Variants in ENOX1 observed in about 807,000 individuals in gnomAD.
The protein encoded by ENOX1 is candidate growth-related and time keeping constitutive hydroquinone (NADH) oxidase.
ENOX1 carries 42 observed loss-of-function variants against 82.5 expected under a neutral mutation model. The observed-to-expected ratio is 0.51, with a 90% confidence interval of 0.40 to 0.66. The LOEUF (loss-of-function observed/expected upper bound fraction) is 0.66, where lower values mean the gene tolerates loss of function less well. ENOX1 is among the 30% of genes least tolerant of loss of function. ENOX1 has a pLI of 0.00. For synonymous variants in ENOX1, 271 were observed against 282.2 expected, an observed-to-expected ratio of 0.96 and a Z score of 0.40; for missense variants, 608 against 811.6, an observed-to-expected ratio of 0.75 and a Z score of 3.05.
chr13:43,640,907 C>T (rs7332737), intron 2 of ENOX1, among the ~76,000 whole-genome samples: 38,349 of 87,054 alleles, frequency 0.44, 5,252 homozygotes, highest in Non-Finnish European at 0.47. Flanking sequence ...TACACACACA[C>T]GCACGCACAC....
At chr13:43,442,114 G>A (rs2056392771) in intron 3 of ENOX1, among the ~76,000 whole-genome samples, 1 of 152,086 alleles carries the variant, frequency 6.6e-6, no homozygotes, top group African/African-American at 2.4e-5. Context: ...AAGCATAGAG[G>A]AGCCGAGTCG....
rs57810969 is a variant in ENOX1 at position 43,651,695 on chromosome 13, T to TAAAAAAAAAAAA, written c.-219+15783_-219+15784insTTTTTTTTTTTT. Among the ~76,000 whole-genome samples the TAAAAAAAAAAAA allele has an allele frequency of 1.7e-3, 162 of 96,964 alleles. 2 individuals carry two copies. The highest frequency in any genetic ancestry group is 4.7e-3 in the African/African-American group (135 of 28,644). The allele number at this position is 96,964 out of a possible 152,430, so 63.6% of individuals were successfully genotyped here. On this transcript the variant is annotated intron_variant, in intron 2 of 16. Coordinates refer to ENST00000690772, the MANE Select transcript of ENOX1 (RefSeq NM_001347969.2). ...CTGGGCGACATAGCGAGACTCTGTC[T>TAAAAAAAAAAAA]AAAAAAAAAAATCACACCTATAATC...
intron 3 of ENOX1, among the ~76,000 whole-genome samples, chr13:43,478,662 G>C (rs1490786625): frequency 6.6e-6 from 1 of 152,072 alleles, no homozygotes; most frequent in Non-Finnish European, 1.5e-5. Context: ...GGACCCTTTA[G>C]TCCAGTTCTC....
chr13:43,216,650 T>G (rs1398172794), intron 16 of ENOX1, among the ~76,000 whole-genome samples: 1 of 152,098 alleles, frequency 6.6e-6, no homozygotes, highest in Non-Finnish European at 1.5e-5. Context: ...TGGCATGTCC[T>G]TCCCCAGATC....
chr13:43,709,979 A>G (rs953559092), intron 1 of ENOX1, among the ~76,000 whole-genome samples: 20 of 152,192 alleles, frequency 1.3e-4, no homozygotes, highest in African/African-American at 4.8e-4. Flanking sequence ...ATTAAAGCAC[A>G]CAGAACAAGA....
At chr13:43,600,633 GC>G (rs552267068) in intron 2 of ENOX1, among the ~76,000 whole-genome samples, 201 of 152,268 alleles carry the variant, frequency 1.3e-3, no homozygotes, top group African/African-American at 4.7e-3. Context: ...AACTTGGCTG[GC>G]TTTACCACCT....
At chr13:43,469,326 T>C (rs1188004362) in intron 3 of ENOX1, among the ~76,000 whole-genome samples, 1 of 152,054 alleles carries the variant, frequency 6.6e-6, no homozygotes, top group African/African-American at 2.4e-5. Context: ...GGTTCTGGTG[T>C]ATAGTCTTTT....
chr13:43,594,396 A>G (rs2153727266), intron 2 of ENOX1, among the ~76,000 whole-genome samples: 1 of 152,356 alleles, frequency 6.6e-6, no homozygotes, highest in South Asian at 2.1e-4. Flanking sequence ...ATATTTGTAT[A>G]AAAGAACGTG....
At chr13:43,711,259 T>C (rs1594516497) in intron 1 of ENOX1, among the ~76,000 whole-genome samples, 2 of 152,284 alleles carry the variant, frequency 1.3e-5, no homozygotes, top group South Asian at 4.2e-4. Context: ...TCATCATTTT[T>C]TATGGCTGCA....
chr13:43,702,849 A>G (rs1466646133), intron 1 of ENOX1, among the ~76,000 whole-genome samples: 1 of 145,784 alleles, frequency 6.9e-6, no homozygotes, highest in Non-Finnish European at 1.5e-5. Context: ...GCTACTCGGG[A>G]GGCTGAGGCA....
chr13:43,359,474 A>G (rs2050362285), intron 7 of ENOX1, among the ~76,000 whole-genome samples: 1 of 152,264 alleles, frequency 6.6e-6, no homozygotes, highest in Non-Finnish European at 1.5e-5. Flanking sequence ...CTTGGTGTCC[A>G]GAAAGTGAAT....
chr13:43,778,392 T>C (rs1952050838), intron 1 of ENOX1, among the ~76,000 whole-genome samples: 1 of 152,130 alleles, frequency 6.6e-6, no homozygotes, highest in Non-Finnish European at 1.5e-5. Context: ...AGCTTGGCAT[T>C]ATGACAGAAC....
chr13:43,305,118 T>G (rs906711427), intron 11 of ENOX1, among the ~76,000 whole-genome samples: 6 of 152,194 alleles, frequency 3.9e-5, no homozygotes, highest in African/African-American at 1.4e-4. Flanking sequence ...CAGTGGCTGC[T>G]GTTGCCATCA....
chr13:43,547,445 A>G (rs1364619853), intron 2 of ENOX1: 1 of 152,242 alleles, frequency 6.6e-6, no homozygotes, highest in Admixed American at 6.5e-5. Flanking sequence ...AAGAGAAGCA[A>G]ACTTCTACAA....
At chr13:43,671,398 C>T (rs1482022509) in intron 1 of ENOX1, among the ~76,000 whole-genome samples, 1 of 152,146 alleles carries the variant, frequency 6.6e-6, no homozygotes, top group Non-Finnish European at 1.5e-5. Context: ...TGGGCAGAGA[C>T]CCTGAGCAGT....
intron 7 of ENOX1, among the ~76,000 whole-genome samples, chr13:43,359,157 G>A (rs1010733161): frequency 1.3e-5 from 2 of 151,528 alleles, no homozygotes; most frequent in Admixed American, 1.3e-4. Context: ...CAGAGGGACA[G>A]ACTGAAAAAT....
chr13:43,493,511 C>G (rs568529669), intron 2 of ENOX1, among the ~76,000 whole-genome samples: 1 of 152,200 alleles, frequency 6.6e-6, no homozygotes, highest in Non-Finnish European at 1.5e-5. Context: ...AAAAGGCCAT[C>G]CTGGCTCCCA....
chr13:43,614,658 C>T (rs558328974), intron 2 of ENOX1, among the ~76,000 whole-genome samples: 8 of 150,312 alleles, frequency 5.3e-5, no homozygotes, highest in African/African-American at 1.7e-4. Context: ...CCAGTTTCTA[C>T]ACCTACATTC....
At chr13:43,440,937 T>C (rs2153621991) in intron 3 of ENOX1, among the ~76,000 whole-genome samples, 1 of 152,330 alleles carries the variant, frequency 6.6e-6, no homozygotes, top group Admixed American at 6.5e-5. Flanking sequence ...CTTGATACAC[T>C]TGAGAAGGTT....
Sources: allele counts gnomAD v4.1 joint callset (sites outside exome capture counted in the v4.1 genomes callset), GRCh38; gene constraint gnomAD v4.1.1; transcripts MANE v1.5; gene names NCBI Gene and HGNC (gene_info 2026-07-23, HGNC 2026-07-21).